Variants in SYN2 observed in about 807,000 individuals in gnomAD.
The protein encoded by SYN2 is synapsin-2.
In SYN2, 19 loss-of-function variants were observed where a neutral mutation model predicts 50.9. The observed-to-expected ratio is 0.37, with a 90% CI of 0.26 to 0.55. SYN2 has a LOEUF of 0.55. Ranked by LOEUF, SYN2 falls within the 20% of genes least tolerant of loss-of-function variation. The probability of loss-of-function intolerance (pLI) is 0.81; values close to 1 mark genes in which losing one functional copy is unlikely to be tolerated. For missense variants in SYN2, 587 were observed against 576.4 expected (o/e 1.02, Z -0.19); for synonymous variants, 255 against 224.9 (o/e 1.13, Z -1.20).
intron 1 of SYN2, chr3:12,071,671 A>G (rs1695357471): frequency 6.3e-6 from 2 of 317,338 alleles, no homozygotes; most frequent in South Asian, 6.0e-5. Context: ...GTGGAAGACA[A>G]GTCTGTGGCT....
chr3:12,070,630 T>C, intron 1 of SYN2: 1 of 1,373,568 alleles, frequency 7.3e-7, no homozygotes, highest in Non-Finnish European at 1.0e-6. Context: ...ACCCTGTCCA[T>C]GTACGTGGCC....
At chr3:12,132,612 C>T (rs1377151109) in intron 1 of SYN2, among the ~76,000 whole-genome samples, 1 of 152,156 alleles carries the variant, frequency 6.6e-6, no homozygotes. Flanking sequence ...TTACTAAAAT[C>T]AGAGTCATTT....
At chr3:12,180,576 G>T (rs1574892033) in intron 10 of SYN2, among the ~76,000 whole-genome samples, 1 of 152,192 alleles carries the variant, frequency 6.6e-6, no homozygotes. Flanking sequence ...TGGAGCCAGG[G>T]TGTCTCAGCC....
intron 1 of SYN2, among the ~76,000 whole-genome samples, chr3:12,084,672 T>C (rs1241893077): frequency 6.6e-6 from 1 of 152,184 alleles, no homozygotes; most frequent in African/African-American, 2.4e-5. Context: ...ACATCTCTTA[T>C]ATGAAGGTTG....
intron 3 of SYN2, among the ~76,000 whole-genome samples, chr3:12,143,653 G>A (rs1191569627): frequency 5.9e-5 from 9 of 152,088 alleles, no homozygotes; most frequent in East Asian, 3.9e-4. Context: ...ATTCCATGGT[G>A]TATGCTATAT....
intron 10 of SYN2, among the ~76,000 whole-genome samples, chr3:12,173,875 G>T (rs219015): frequency 1.3e-5 from 2 of 152,116 alleles, no homozygotes; most frequent in African/African-American, 2.4e-5. Flanking sequence ...GATCGTACCA[G>T]TGCACCTGGG....
intron 1 of SYN2, among the ~76,000 whole-genome samples, chr3:12,076,300 T>A (rs1048834173): frequency 1.3e-5 from 2 of 152,106 alleles, no homozygotes; most frequent in Non-Finnish European, 2.9e-5. Context: ...TTTCAGATAC[T>A]CTGCTTGTCC....
chr3:12,090,218 A>G (rs1695796815), intron 1 of SYN2, among the ~76,000 whole-genome samples: 1 of 152,194 alleles, frequency 6.6e-6, no homozygotes, highest in South Asian at 2.1e-4. Context: ...GCTGATGAAG[A>G]GAGGAAGTCT....
At chr3:12,157,290 C>A in intron 5 of SYN2, 2 of 1,179,858 alleles carry the variant, frequency 1.7e-6, no homozygotes, top group South Asian at 2.6e-5. Flanking sequence ...GATTACTGAG[C>A]CAGGCCACCT....
intron 1 of SYN2, among the ~76,000 whole-genome samples, chr3:12,034,243 A>G (rs540096869): frequency 6.6e-6 from 1 of 152,248 alleles, no homozygotes; most frequent in South Asian, 2.1e-4. Context: ...CTCTTTGTGA[A>G]GTAGTATCTC....
chr3:12,115,957 C>T (rs2125198284), intron 1 of SYN2, among the ~76,000 whole-genome samples: 1 of 152,242 alleles, frequency 6.6e-6, no homozygotes, highest in Non-Finnish European at 1.5e-5. Flanking sequence ...ATTGTTACTT[C>T]ACTTTTAGGT....
chr3:12,069,482 C>G (rs1020669734), intron 1 of SYN2, among the ~76,000 whole-genome samples: 3 of 151,954 alleles, frequency 2.0e-5, no homozygotes, highest in Non-Finnish European at 4.4e-5. Flanking sequence ...TTACTGACCT[C>G]GTGATCTGCC....
At chr3:12,054,098 C>T (rs1232575371) in intron 1 of SYN2, among the ~76,000 whole-genome samples, 1 of 152,126 alleles carries the variant, frequency 6.6e-6, no homozygotes. Flanking sequence ...TTACAACAGG[C>T]AGTGAAGAGA....
chr3:12,043,543 C>T (rs1267281619), intron 1 of SYN2, among the ~76,000 whole-genome samples: 1 of 152,088 alleles, frequency 6.6e-6, no homozygotes, highest in Non-Finnish European at 1.5e-5. Context: ...TTTTACAAAT[C>T]AGAAAAATAA....
At chr3:12,148,974 T>C (rs969794339) in intron 4 of SYN2, among the ~76,000 whole-genome samples, 2 of 152,208 alleles carry the variant, frequency 1.3e-5, no homozygotes, top group Non-Finnish European at 2.9e-5. Flanking sequence ...TGTGTGGCTG[T>C]GATTTAATCT....
chr3:12,153,632 C>G (rs1271541861), intron 5 of SYN2: 1 of 1,614,200 alleles, frequency 6.2e-7, no homozygotes, highest in Non-Finnish European at 8.5e-7. Context: ...AACCATAGAG[C>G]TTTCGTTCCA....
intron 1 of SYN2, among the ~76,000 whole-genome samples, chr3:12,009,153 G>T (rs937689816): frequency 6.6e-6 from 1 of 152,180 alleles, no homozygotes; most frequent in Non-Finnish European, 1.5e-5. Context: ...GAATTTGATT[G>T]TTCATAGCAG....
intron 1 of SYN2, among the ~76,000 whole-genome samples, chr3:12,005,872 GCTCTAT>G (rs1693792009): frequency 6.6e-6 from 1 of 152,020 alleles, no homozygotes; most frequent in Non-Finnish European, 1.5e-5. Context: ...GTTAAAAGCG[GCTCTAT>G]TTTATAGTTA....
Position 12,045,209 on chromosome 3 carries a change from T to C in SYN2, c.377+40281T>C, listed in dbSNP as rs1407284978. 2.0e-5 allele frequency among the ~76,000 whole-genome samples: 3 copies of C among 152,284 alleles called. No homozygotes were observed. In the East Asian group the frequency reaches 5.8e-4, roughly 29 times the overall value. ...TGTTTAAAGGGGGGTTTACTGCATT[T>C]AGTATTTTGGTGTTTTTTTTTAAAC... is the stretch of plus-strand genomic sequence containing the variant. On this transcript the variant is annotated intron_variant, in intron 1 of 12. Coordinates refer to ENST00000621198, the MANE Select transcript of SYN2 (RefSeq NM_133625.6).
Sources: allele counts gnomAD v4.1 joint callset (sites outside exome capture counted in the v4.1 genomes callset), GRCh38; gene constraint gnomAD v4.1.1; transcripts MANE v1.5; gene names NCBI Gene and HGNC (gene_info 2026-07-23, HGNC 2026-07-21).